Variants in KDM4C observed in about 807,000 individuals in gnomAD.
KDM4C encodes the protein lysine demethylase 4C.
In KDM4C, 81 loss-of-function variants were observed where a neutral mutation model predicts 129.3. The observed-to-expected ratio is 0.63, with a 90% CI of 0.52 to 0.75. The LOEUF (loss-of-function observed/expected upper bound fraction) is 0.75, where lower values mean the gene tolerates loss of function less well. Among genes scored for constraint, KDM4C ranks in the 30% least tolerant of loss-of-function variants. KDM4C has a pLI of 0.00. For missense variants in KDM4C, 1,457 were observed against 1,304.0 expected (o/e 1.12, Z -1.81); for synonymous variants, 573 against 456.1 (o/e 1.26, Z -3.26).
intron 12 of KDM4C, 23 bp downstream of exon 12, chr9:6,990,547 GATT>G (rs779946595): frequency 8.0e-7 from 1 of 1,254,202 alleles, no homozygotes; most frequent in Non-Finnish European, 1.1e-6. Context: ...CCCTTTTTGG[GATT>G]TTTTTTTTTT....
intron 1 of KDM4C, among the ~76,000 whole-genome samples, chr9:6,791,566 G>A (rs1826624787): frequency 6.6e-6 from 1 of 152,294 alleles, no homozygotes; most frequent in Admixed American, 6.5e-5. Flanking sequence ...CTGTAGGAAG[G>A]CATGATATGA....
At chr9:7,072,643 A>G (rs933080449) in intron 17 of KDM4C, among the ~76,000 whole-genome samples, 1 of 152,206 alleles carries the variant, frequency 6.6e-6, no homozygotes, top group Non-Finnish European at 1.5e-5. Context: ...ACAAAGGGGC[A>G]CAAAGAATTT....
At chr9:6,825,029 C>T (rs1483061141) in intron 4 of KDM4C, among the ~76,000 whole-genome samples, 1 of 151,572 alleles carries the variant, frequency 6.6e-6, no homozygotes, top group Non-Finnish European at 1.5e-5. Flanking sequence ...ACCTGTAGTC[C>T]CAGCTACCCG....
chr9:6,817,828 G>A (rs1164959570), intron 4 of KDM4C, among the ~76,000 whole-genome samples: 1 of 147,206 alleles, frequency 6.8e-6, no homozygotes, highest in African/African-American at 2.5e-5. Flanking sequence ...GTGCAGTGGC[G>A]CTATCTTGGC....
intron 17 of KDM4C, among the ~76,000 whole-genome samples, chr9:7,056,919 C>G (rs1037452534): frequency 2.0e-5 from 3 of 152,114 alleles, no homozygotes; most frequent in Admixed American, 6.5e-5. Flanking sequence ...TGGGTCAATA[C>G]CAACAAACAC....
intron 17 of KDM4C, among the ~76,000 whole-genome samples, chr9:7,065,593 A>G (rs893944440): frequency 6.6e-6 from 1 of 152,232 alleles, no homozygotes; most frequent in Admixed American, 6.5e-5. Flanking sequence ...TAGACTAATG[A>G]GCTTTCTGAC....
intron 4 of KDM4C, among the ~76,000 whole-genome samples, chr9:6,821,193 G>A (rs1832972520): frequency 2.0e-5 from 3 of 152,124 alleles, no homozygotes; most frequent in Admixed American, 2.0e-4. Context: ...GTGTGCATGT[G>A]TCTTTATAGT....
At chr9:6,789,812 G>C (rs987475220) in intron 1 of KDM4C, among the ~76,000 whole-genome samples, 1 of 152,060 alleles carries the variant, frequency 6.6e-6, no homozygotes, top group African/African-American at 2.4e-5. Flanking sequence ...CCCTGTTGCA[G>C]GCCCCCTCCC....
At chr9:7,052,739 A>G (rs1258171314) in intron 17 of KDM4C, among the ~76,000 whole-genome samples, 1 of 152,164 alleles carries the variant, frequency 6.6e-6, no homozygotes, top group African/African-American at 2.4e-5. Context: ...TCATCCCTGA[A>G]GCAGCAGCAA....
chr9:6,730,160 T>C (rs987837704), intron 1 of KDM4C, among the ~76,000 whole-genome samples: 1 of 151,768 alleles, frequency 6.6e-6, no homozygotes, highest in African/African-American at 2.4e-5. Flanking sequence ...AATATGGCCA[T>C]GAGGCCTTGC....
At chr9:6,805,505 G>T (rs999250897) in intron 2 of KDM4C, 94 bp from the exon 3 acceptor site, 21 of 685,280 alleles carry the variant, frequency 3.1e-5, no homozygotes, top group Non-Finnish European at 4.5e-5. Flanking sequence ...GAGATACTGA[G>T]AAATTCTTCA....
chr9:6,778,554 G>C (rs1823595298), intron 1 of KDM4C, among the ~76,000 whole-genome samples: 1 of 150,090 alleles, frequency 6.7e-6, no homozygotes, highest in Non-Finnish European at 1.5e-5. Flanking sequence ...ATCACCTAAG[G>C]TCAGGAGTTT....
intron 8 of KDM4C, among the ~76,000 whole-genome samples, chr9:6,932,739 A>G (rs988183349): frequency 1.6e-4 from 25 of 152,158 alleles, no homozygotes; most frequent in Admixed American, 1.3e-4. Flanking sequence ...CATAAAGGAC[A>G]TTTGACCACG....
chr9:7,045,648 G>T (rs1301591795), intron 15 of KDM4C, among the ~76,000 whole-genome samples: 2 of 151,950 alleles, frequency 1.3e-5, no homozygotes, highest in African/African-American at 2.4e-5. Flanking sequence ...CTTGAGCTGG[G>T]TTTATAATGG....
chr9:6,949,985 G>T (rs1251453550), intron 8 of KDM4C, among the ~76,000 whole-genome samples: 1 of 151,730 alleles, frequency 6.6e-6, no homozygotes, highest in African/African-American at 2.4e-5. Context: ...TTTAGCCCAA[G>T]GAGTCACATT....
At chr9:6,990,964 G>A (rs535229249) in intron 12 of KDM4C, among the ~76,000 whole-genome samples, 4 of 152,212 alleles carry the variant, frequency 2.6e-5, no homozygotes, top group African/African-American at 9.6e-5. Context: ...TTTTGTAACT[G>A]GTGTGGGGTG....
chr9:7,031,952 ATATT>A (rs1826855822), intron 15 of KDM4C, among the ~76,000 whole-genome samples: 1 of 152,210 alleles, frequency 6.6e-6, no homozygotes, highest in Non-Finnish European at 1.5e-5. Context: ...TTGTTGAAAA[ATATT>A]TATCAGACCT....
intron 11 of KDM4C, among the ~76,000 whole-genome samples, chr9:6,989,628 A>T (rs1303330590): frequency 2.0e-5 from 3 of 152,138 alleles, no homozygotes; most frequent in African/African-American, 7.2e-5. Context: ...AGAAGTGGTG[A>T]TTCATTTCTG....
chr9:6,744,324 G>A (rs2130274623), intron 1 of KDM4C, among the ~76,000 whole-genome samples: 1 of 152,198 alleles, frequency 6.6e-6, no homozygotes, highest in East Asian at 1.9e-4. Context: ...AAGAGATTGA[G>A]ACCATCCTGG....
Sources: gnomAD v4.1 joint callset for allele counts (sites outside exome capture counted in the v4.1 genomes callset) on GRCh38, gnomAD v4.1.1 for gene constraint, MANE v1.5 for transcripts, NCBI Gene and HGNC (gene_info 2026-07-23, HGNC 2026-07-21) for gene names.